The following DCAF5 variants were observed in gnomAD, a reference collection of about 807,000 sequenced individuals.
The protein encoded by DCAF5 is DDB1- and CUL4-associated factor 5.
A neutral mutation model predicts 80.7 loss-of-function variants in DCAF5; 9 were observed. The ratio of observed to expected loss-of-function variants is 0.11; its 90% CI spans 0.07 to 0.19. The LOEUF is 0.19. DCAF5 is among the 10% of genes least tolerant of loss of function. DCAF5 has a pLI of 1.00. For synonymous variants in DCAF5, 433 were observed against 461.9 expected (o/e 0.94, Z 0.80); for missense variants, 842 against 1,205.7 (o/e 0.70, Z 4.47).
Position 69,062,375 on chromosome 14 carries a change from G to A in DCAF5, c.1074+9C>T. 3.1e-6 allele frequency: 5 copies of A among 1,612,944 alleles called. No homozygotes were observed. Among genetic ancestry groups the A allele is most frequent in the Non-Finnish European group, 4.2e-6 (5 of 1,179,356 alleles). ...TTCTCTAAAAGGACAGAAGGGGAAG[G>A]TGCCTCACCTTGATAATCTTTTCTA... is the stretch of plus-strand genomic sequence containing the variant. On this transcript the variant is annotated intron_variant, in intron 8 of 8. Transcript: ENST00000341516.
chr14:69,116,909 C>T (rs968129715), intron 4 of DCAF5, among the ~76,000 whole-genome samples: 7 of 152,016 alleles, frequency 4.6e-5, no homozygotes, highest in Admixed American at 1.3e-4. Flanking sequence ...AGTTTTTAAA[C>T]CATGCACAGA....
intron 5 of DCAF5, among the ~76,000 whole-genome samples, chr14:69,093,637 T>G (rs1424870315): frequency 6.6e-6 from 1 of 152,176 alleles, no homozygotes; most frequent in African/African-American, 2.4e-5. Flanking sequence ...CCAACCTAGC[T>G]TGGTCACAAA....
intron 2 of DCAF5, among the ~76,000 whole-genome samples, chr14:69,120,223 AC>A (rs1313737907): frequency 2.6e-5 from 4 of 152,016 alleles, no homozygotes; most frequent in Admixed American, 2.6e-4. Flanking sequence ...AGCTGGAACT[AC>A]AGGCATGTGT....
chr14:69,107,752 G>A (rs2040214636), intron 5 of DCAF5, among the ~76,000 whole-genome samples: 1 of 152,208 alleles, frequency 6.6e-6, no homozygotes, highest in Admixed American at 6.5e-5. Context: ...ATTATACTCA[G>A]GGATTAGCAG....
chr14:69,054,980 T>G lies in DCAF5; in HGVS notation c.1706A>C (p.Glu569Ala), dbSNP rs1272878239. Residue 569 changes from glutamate (E) to alanine (A), a missense_variant, in exon 9 of 9, where the codon GAG becomes GCG. By Grantham distance (107) the Glu-to-Ala change is moderately radical. Coordinates refer to ENST00000341516, the MANE Select transcript of DCAF5 (RefSeq NM_003861.3). Reference sequence around the variant, plus strand: ...GCGTTCATTCAGCTCCTCCTCATCCTCAGAGCTGCTAGAGCTGCTGGAACT... The same window carrying G: ...GCGTTCATTCAGCTCCTCCTCATCCGCAGAGCTGCTAGAGCTGCTGGAACT... ...SSSSSSSSSS[E>A]DEEELNERRA... 1.2e-6 allele frequency: 2 copies of G among 1,614,082 alleles called. No homozygotes were observed. The highest frequency in any genetic ancestry group is 1.7e-6 in the Non-Finnish European group (2 of 1,180,028).
chr14:69,058,585 T>C (rs1201515509), intron 8 of DCAF5, among the ~76,000 whole-genome samples: 1 of 147,394 alleles, frequency 6.8e-6, no homozygotes, highest in Non-Finnish European at 1.5e-5. Context: ...GCAAAGTTCA[T>C]GAGAAAGAGC....
chr14:69,097,582 A>ATTT (rs755644268), intron 5 of DCAF5, among the ~76,000 whole-genome samples: 39 of 125,284 alleles, frequency 3.1e-4, no homozygotes, highest in African/African-American at 4.8e-4. Flanking sequence ...TATTATTATT[A>ATTT]TTTTTTTTTT....
At chr14:69,098,929 AG>A (rs2039846980) in intron 5 of DCAF5, among the ~76,000 whole-genome samples, 2 of 149,992 alleles carry the variant, frequency 1.3e-5, no homozygotes, top group Non-Finnish European at 3.0e-5. Flanking sequence ...AAGAAAAAAA[AG>A]AAAAACACTG....
intron 5 of DCAF5, among the ~76,000 whole-genome samples, chr14:69,103,191 C>T (rs2040024143): frequency 6.6e-6 from 1 of 152,106 alleles, no homozygotes; most frequent in African/African-American, 2.4e-5. Context: ...TAGTAGCATA[C>T]TATTTGTGTG....
intron 4 of DCAF5, among the ~76,000 whole-genome samples, chr14:69,117,744 G>C (rs1326097613): frequency 2.0e-5 from 3 of 152,248 alleles, no homozygotes; most frequent in South Asian, 2.1e-4. Context: ...CCTATACACA[G>C]GTAATTTGAG....
At chr14:69,077,123 T>C (rs928182796) in intron 6 of DCAF5, among the ~76,000 whole-genome samples, 20 of 152,256 alleles carry the variant, frequency 1.3e-4, no homozygotes, top group African/African-American at 4.3e-4. Flanking sequence ...TGTTTTACTT[T>C]AAGGTGAGGT....
At chr14:69,148,328 C>T (rs1469131055) in intron 1 of DCAF5, among the ~76,000 whole-genome samples, 1 of 152,066 alleles carries the variant, frequency 6.6e-6, no homozygotes, top group Non-Finnish European at 1.5e-5. Flanking sequence ...GTTCCCCATC[C>T]CTCAAAGGAC....
At chr14:69,148,925 C>T (rs759616458) in intron 1 of DCAF5, among the ~76,000 whole-genome samples, 3 of 152,216 alleles carry the variant, frequency 2.0e-5, no homozygotes, top group Non-Finnish European at 4.4e-5. Context: ...GCACTTTCCA[C>T]ACCACATTGT....
At chr14:69,111,560 G>A (rs1190081854) in intron 5 of DCAF5, among the ~76,000 whole-genome samples, 1 of 152,172 alleles carries the variant, frequency 6.6e-6, no homozygotes, top group Non-Finnish European at 1.5e-5. Context: ...TAGTGAGTAA[G>A]CAGACAGCTA....
At position 69,086,339 on chromosome 14, in the gene DCAF5, T is replaced by C. The variant is rs535412049; in HGVS notation, c.879+5335A>G. Among the ~76,000 whole-genome samples the C allele has an allele frequency of 1.4e-3, 219 of 151,900 alleles. 5 individuals are homozygous for C. In the South Asian group the frequency reaches 0.028, roughly 20 times the overall value. On this transcript the variant is annotated intron_variant, in intron 6 of 8. Coordinates refer to ENST00000341516, the MANE Select transcript of DCAF5 (RefSeq NM_003861.3). ...AGCCACTGCACTCCGGCCTGGGTGA[T>C]AGAGCAAGACTCCGTCTAAAAACAA...
chr14:69,149,096 C>A (rs2041628678), intron 1 of DCAF5, among the ~76,000 whole-genome samples: 2 of 152,176 alleles, frequency 1.3e-5, no homozygotes, highest in African/African-American at 4.8e-5. Flanking sequence ...CTCTGAGAGG[C>A]CTGGCGCTCT....
intron 3 of DCAF5, 109 bp downstream of exon 3, chr14:69,119,085 C>T (rs1180138522): frequency 9.7e-7 from 1 of 1,033,482 alleles, no homozygotes; most frequent in Non-Finnish European, 1.4e-6. Context: ...CAGCTGGTTT[C>T]ATGTTGTTTT....
At chr14:69,079,310 G>A (rs993238700) in intron 6 of DCAF5, among the ~76,000 whole-genome samples, 2 of 152,198 alleles carry the variant, frequency 1.3e-5, no homozygotes, top group African/African-American at 2.4e-5. Context: ...GTTAAGGCCT[G>A]TTGGGTTTAA....
chr14:69,079,848 T>C (rs1215546987), intron 6 of DCAF5, among the ~76,000 whole-genome samples: 1 of 152,132 alleles, frequency 6.6e-6, no homozygotes, highest in Non-Finnish European at 1.5e-5. Context: ...AACATATATA[T>C]ATATAATGTG....
Sources: gnomAD v4.1 joint callset for allele counts (sites outside exome capture counted in the v4.1 genomes callset) on GRCh38, gnomAD v4.1.1 for gene constraint, MANE v1.5 for transcripts, NCBI Gene and HGNC (gene_info 2026-07-23, HGNC 2026-07-21) for gene names.